VPS33A: variants seen among roughly 807,000 people sequenced by gnomAD.
VPS33A encodes the protein vacuolar protein sorting-associated protein 33A.
Under a neutral mutation model 71.8 loss-of-function variants are expected in VPS33A, and 32 were observed. The observed-to-expected ratio is 0.45, with a 90% CI of 0.34 to 0.60. The LOEUF (loss-of-function observed/expected upper bound fraction) is 0.60, where lower values mean the gene tolerates loss of function less well. VPS33A is among the 20% of genes least tolerant of loss of function. The pLI is 0.02. For missense variants in VPS33A, 625 were observed against 748.5 expected (o/e 0.84, Z 1.92); for synonymous variants, 311 against 292.7 (o/e 1.06, Z -0.64).
chr12:122,247,253 T>C (rs1407338572), intron 6 of VPS33A, among the ~76,000 whole-genome samples: 1 of 152,138 alleles, frequency 6.6e-6, no homozygotes, highest in East Asian at 1.9e-4. Flanking sequence ...TTTCTCTTCT[T>C]GGAAAATCCC....
chr12:122,244,541 G>C (rs776606492), intron 7 of VPS33A, 28 bp downstream of exon 7: 1 of 1,565,390 alleles, frequency 6.4e-7, no homozygotes, highest in Non-Finnish European at 8.7e-7. Context: ...GCCTAGAGTT[G>C]CAGAATGACA....
intron 11 of VPS33A, among the ~76,000 whole-genome samples, chr12:122,233,244 G>A: frequency 8.0e-6 from 1 of 125,740 alleles, no homozygotes; most frequent in African/African-American, 3.0e-5. Context: ...TTTTTTTTTT[G>A]AGACAGAGTC....
intron 4 of VPS33A, among the ~76,000 whole-genome samples, chr12:122,252,592 AAGAG>A (rs964828237): frequency 2.0e-5 from 3 of 152,010 alleles, no homozygotes; most frequent in Non-Finnish European, 4.4e-5. Context: ...TTAAAAAAAA[AAGAG>A]AGAGAGAAAA....
At chr12:122,238,537 A>G in intron 10 of VPS33A, 50 bp downstream of exon 10, 1 of 1,573,694 alleles carries the variant, frequency 6.4e-7, no homozygotes, top group South Asian at 1.2e-5. Flanking sequence ...AGTATTTTTT[A>G]AAAAGATGCT....
At chr12:122,260,136 C>T (rs1257520997) in intron 4 of VPS33A, among the ~76,000 whole-genome samples, 4 of 152,076 alleles carry the variant, frequency 2.6e-5, no homozygotes, top group South Asian at 2.1e-4. Flanking sequence ...GGAAAGATAG[C>T]GACAGACTGC....
At chr12:122,242,301 T>C (rs957699178) in intron 8 of VPS33A, 81 bp downstream of exon 8, 3 of 1,539,250 alleles carry the variant, frequency 1.9e-6, no homozygotes, top group Non-Finnish European at 2.7e-6. Flanking sequence ...GAAGAGGCAT[T>C]GTGGTGTTGA....
chr12:122,237,400 C>T (rs1372231642), intron 10 of VPS33A, among the ~76,000 whole-genome samples: 1 of 152,178 alleles, frequency 6.6e-6, no homozygotes, highest in Non-Finnish European at 1.5e-5. Flanking sequence ...CTCAGTTTTT[C>T]ATCCATAAAA....
At chr12:122,263,859 G>A (rs1321767750) in intron 2 of VPS33A, among the ~76,000 whole-genome samples, 160 bp from the exon 3 acceptor site, 1 of 152,148 alleles carries the variant, frequency 6.6e-6, no homozygotes, top group African/African-American at 2.4e-5. Flanking sequence ...CAAAGTTTCA[G>A]TAGAAAGCCA....
Position 122,238,478 on chromosome 12 carries a change from T to A in VPS33A, c.1302+109A>T, listed in dbSNP as rs2136125615. 5 of 1,359,626 alleles carry A rather than the reference T, an allele frequency of 3.7e-6. No individual in the cohort carries two copies. In the South Asian group the frequency reaches 7.5e-5, roughly 21 times the overall value. The allele number at this position is 1,359,626 out of a possible 1,614,324, so 84.2% of individuals were successfully genotyped here. On this transcript the variant is annotated intron_variant, in intron 10 of 12. Transcript: ENST00000267199. ...CTCAAGTGATCCACCTGCTTTGGCC[T>A]CCCAAAGTGCTGGGATTACAGGCGT...
chr12:122,238,992 TACATACACACAC>T (rs554926343), intron 9 of VPS33A, among the ~76,000 whole-genome samples: 1,386 of 118,672 alleles, frequency 0.012, 24 homozygotes, highest in African/African-American at 0.045. Context: ...CACACATACA[TACATACACACAC>T]ACACACACAC....
intron 12 of VPS33A, 66 bp downstream of exon 12, chr12:122,232,734 C>G: frequency 6.5e-7 from 1 of 1,529,984 alleles, no homozygotes; most frequent in Non-Finnish European, 8.8e-7. Context: ...TACAAAGCAA[C>G]TGTACAATAC....
At chr12:122,251,774 TG>T (rs751408518) in intron 4 of VPS33A, among the ~76,000 whole-genome samples, 2 of 148,590 alleles carry the variant, frequency 1.3e-5, no homozygotes, top group African/African-American at 5.0e-5. Flanking sequence ...GGGCCTGTCG[TG>T]GGGTGGGGGA....
intron 8 of VPS33A, among the ~76,000 whole-genome samples, chr12:122,240,404 T>C (rs1032042700): frequency 6.6e-6 from 1 of 152,106 alleles, no homozygotes; most frequent in Admixed American, 6.6e-5. Context: ...GAAAATCTTT[T>C]AGGAAACATG....
intron 1 of VPS33A, among the ~76,000 whole-genome samples, chr12:122,266,025 A>G (rs1204816775): frequency 1.3e-5 from 2 of 152,208 alleles, no homozygotes; most frequent in Non-Finnish European, 2.9e-5. Context: ...CAGCGGAGGA[A>G]ACACCTGACG....
intron 9 of VPS33A, 100 bp from the exon 10 acceptor site, chr12:122,238,824 C>T: frequency 1.7e-6 from 2 of 1,192,776 alleles, no homozygotes. Flanking sequence ...GGTTTAGGAA[C>T]TTAACTTGAT....
At chr12:122,259,637 T>C (rs952531431) in intron 4 of VPS33A, among the ~76,000 whole-genome samples, 3 of 152,110 alleles carry the variant, frequency 2.0e-5, no homozygotes, top group Non-Finnish European at 4.4e-5. Context: ...GTCCATCAGC[T>C]GATGAATGAT....
intron 3 of VPS33A, among the ~76,000 whole-genome samples, chr12:122,263,240 G>A (rs1026547227): frequency 4.6e-5 from 7 of 152,066 alleles, no homozygotes; most frequent in East Asian, 1.9e-4. Context: ...TGATCCACCC[G>A]CCTTGGCCTC....
chr12:122,232,496 A>AT lies in VPS33A; in HGVS notation c.1610-70dup, dbSNP rs1339832929. 2.1e-6 allele frequency: 3 copies of AT among 1,423,954 alleles called. No individual in the cohort carries two copies. The African/African-American group carries it at 4.3e-5, about 21-fold the overall frequency. 88.2% of individuals were successfully genotyped at this position (1,423,954 alleles called of 1,614,324 possible). ...TGCTTCTCTTCCCACCTCTTCAAAC[A>AT]TTTTATCATTCATAAGAATAAACAA... On this transcript the variant is annotated intron_variant, in intron 12 of 12. Coordinates refer to ENST00000267199, the MANE Select transcript of VPS33A (RefSeq NM_022916.6).
At chr12:122,258,387 G>A (rs1016335690) in intron 4 of VPS33A, among the ~76,000 whole-genome samples, 12 of 151,944 alleles carry the variant, frequency 7.9e-5, no homozygotes, top group South Asian at 2.1e-4. Flanking sequence ...TTAGTGCATC[G>A]AACGACACCA....
Sources: gnomAD v4.1 joint callset for allele counts (sites outside exome capture counted in the v4.1 genomes callset) on GRCh38, gnomAD v4.1.1 for gene constraint, MANE v1.5 for transcripts, NCBI Gene and HGNC (gene_info 2026-07-23, HGNC 2026-07-21) for gene names.